Variants in ARL13B observed in about 807,000 individuals in gnomAD.
ARL13B encodes ADP-ribosylation factor-like protein 13B.
A neutral mutation model predicts 56.1 loss-of-function variants in ARL13B; 36 were observed. That is an observed-to-expected ratio of 0.64 (90% CI 0.49 to 0.85). The LOEUF is 0.85. Among genes scored for constraint, ARL13B ranks in the 40% least tolerant of loss-of-function variants. ARL13B has a pLI of 0.00. For missense variants in ARL13B, 519 were observed against 507.1 expected (o/e 1.02, Z -0.23); for synonymous variants, 178 against 171.1 (o/e 1.04, Z -0.32).
chr3:94,043,192 C>T lies in ARL13B; in HGVS notation c.976C>T (p.Gln326Ter). 1 of 1,613,422 alleles carries T rather than the reference C, an allele frequency of 6.2e-7. No homozygotes were observed. The highest frequency in any genetic ancestry group is 8.5e-7 in the Non-Finnish European group (1 of 1,179,850). Residue 326 changes from glutamine to a stop codon, truncating the protein, a stop_gained, in exon 7 of 10, where the codon CAG (glutamine) becomes TAG (stop). Transcript: ENST00000394222. LOFTEE classifies it high-confidence loss of function. ...LVENYKEALT[Q>*]QLKNEDETDR... Reference sequence around the variant, plus strand: ...AGAAAATTATAAGGAGGCATTAACACAGCAGTTAAAGAATGAAGATGAGAC... The same window carrying T: ...AGAAAATTATAAGGAGGCATTAACATAGCAGTTAAAGAATGAAGATGAGAC...
chr3:94,034,403 G>T (rs2076731754), intron 3 of ARL13B, among the ~76,000 whole-genome samples: 1 of 151,660 alleles, frequency 6.6e-6, no homozygotes, highest in South Asian at 2.1e-4. Context: ...TTAAATCTAT[G>T]TTATATAATT....
intron 3 of ARL13B, among the ~76,000 whole-genome samples, chr3:94,015,879 A>G (rs1489713640): frequency 6.6e-6 from 1 of 152,172 alleles, no homozygotes; most frequent in African/African-American, 2.4e-5. Flanking sequence ...ATATATGTGA[A>G]AACATTGGTT....
intron 7 of ARL13B, among the ~76,000 whole-genome samples, chr3:94,044,254 G>A (rs374879678): frequency 6.9e-5 from 10 of 145,272 alleles, no homozygotes; most frequent in Admixed American, 2.1e-4. Flanking sequence ...TGTGAGGAGC[G>A]CCCCTGGCCG....
chr3:94,046,433 A>G (rs1560014388), intron 7 of ARL13B, among the ~76,000 whole-genome samples: 2 of 152,084 alleles, frequency 1.3e-5, no homozygotes, highest in African/African-American at 4.8e-5. Flanking sequence ...ATCATATAGA[A>G]TGTACTTTTT....
intron 7 of ARL13B, 78 bp downstream of exon 7, chr3:94,043,318 T>A: frequency 1.5e-6 from 2 of 1,308,308 alleles, no homozygotes; most frequent in Non-Finnish European, 2.1e-6. Flanking sequence ...TTTTTTATGT[T>A]TGTTTTTACA....
At chr3:94,037,931 G>A (rs1308292267) in intron 5 of ARL13B, among the ~76,000 whole-genome samples, 1 of 152,018 alleles carries the variant, frequency 6.6e-6, no homozygotes, top group Non-Finnish European at 1.5e-5. Context: ...ATCCATGCCA[G>A]TTGTGGTCTG....
intron 2 of ARL13B, among the ~76,000 whole-genome samples, chr3:93,999,166 C>T (rs1388503450): frequency 6.6e-6 from 1 of 151,774 alleles, no homozygotes; most frequent in Admixed American, 6.6e-5. Context: ...GTCTTGAACT[C>T]CTGGCCTCAA....
At chr3:94,050,955 C>CATGAAA in intron 9 of ARL13B, 63 bp downstream of exon 9, 3 of 1,479,884 alleles carry the variant, frequency 2.0e-6, no homozygotes, top group Non-Finnish European at 2.8e-6. Context: ...TTTCTTTAGC[C>CATGAAA]TTATAATTTC....
intron 3 of ARL13B, among the ~76,000 whole-genome samples, chr3:94,012,417 A>G (rs1410688236): frequency 6.6e-6 from 1 of 152,090 alleles, no homozygotes; most frequent in Non-Finnish European, 1.5e-5. Context: ...ATCATCATCT[A>G]ATCTGTATCC....
chr3:94,022,065 C>T (rs534599155), intron 3 of ARL13B, among the ~76,000 whole-genome samples: 1 of 152,188 alleles, frequency 6.6e-6, no homozygotes, highest in Non-Finnish European at 1.5e-5. Flanking sequence ...TATGTTGCAT[C>T]TAAACTCCTG....
At chr3:94,040,892 C>G (rs2076850098) in intron 6 of ARL13B, among the ~76,000 whole-genome samples, 1 of 152,060 alleles carries the variant, frequency 6.6e-6, no homozygotes, top group Admixed American at 6.6e-5. Context: ...GTAGAAGGCT[C>G]TAGTGCTTCT....
Position 94,049,300 on chromosome 3 carries a change from A to G in ARL13B, c.1025-106A>G, listed in dbSNP as rs1053722789. 9.6e-6 allele frequency: 6 copies of G among 623,304 alleles called. No individual in the cohort carries two copies. The African/African-American group carries it at 1.1e-4, about 12-fold the overall frequency. 38.6% of individuals were successfully genotyped at this position (623,304 alleles called of 1,614,324 possible). On this transcript the variant is annotated intron_variant, in intron 7 of 9. Coordinates refer to ENST00000394222, the MANE Select transcript of ARL13B (RefSeq NM_001174150.2). The stretch of plus-strand genomic sequence containing the variant: ...CAATTTCCAAAGTTAAATAGTCAAG[A>G]TGTTTTTTGTTAATAATATCAGTAT...
chr3:94,015,179 G>T (rs2076304956), intron 3 of ARL13B: 1 of 1,613,598 alleles, frequency 6.2e-7, no homozygotes, highest in African/African-American at 1.3e-5. Context: ...AACACCCCTT[G>T]TTCCTCTGTT....
At position 93,987,798 on chromosome 3, in the gene ARL13B, G is replaced by A. The variant is rs186997875; in HGVS notation, c.59+7316G>A. Among the ~76,000 whole-genome samples, 78 of 151,808 alleles carry A rather than the reference G, an allele frequency of 5.1e-4. 1 individual carries two copies. In the East Asian group the frequency reaches 0.013, roughly 25 times the overall value. On this transcript the variant is annotated intron_variant, in intron 1 of 9. Transcript: ENST00000394222. ...CAAGTAACTGGGAGGTGCATGCCACGATGCCTGGCTAATTTTTTTTTTTAA... is the reference window on the plus strand; with the variant it reads ...CAAGTAACTGGGAGGTGCATGCCACAATGCCTGGCTAATTTTTTTTTTTAA...
rs533001241 is a variant in ARL13B, at chr3:94,046,996, A to ACATTC, written c.1025-2410_1025-2409insCATTC. On this transcript the variant is annotated intron_variant, in intron 7 of 9. Coordinates refer to ENST00000394222, the MANE Select transcript of ARL13B (RefSeq NM_001174150.2). ...TCTCTTATCTACTAGATATACGTTA[A>ACATTC]GTTATGTAACATTCTTTAGTCTTAG... 3.0e-4 allele frequency among the ~76,000 whole-genome samples: 45 copies of ACATTC among 152,272 alleles called. No homozygotes were observed. In the East Asian group the frequency reaches 8.7e-3, roughly 29 times the overall value.
intron 3 of ARL13B, among the ~76,000 whole-genome samples, chr3:94,013,819 C>T (rs1308381406): frequency 6.6e-6 from 1 of 152,170 alleles, no homozygotes; most frequent in Non-Finnish European, 1.5e-5. Context: ...TGGTGGTGCA[C>T]ACCTGTAATC....
chr3:94,040,786 C>G lies in ARL13B; in HGVS notation c.798+798C>G, dbSNP rs552762083. 1.2e-3 allele frequency among the ~76,000 whole-genome samples: 188 copies of G among 150,756 alleles called. 1 individual carries two copies. The highest frequency in any genetic ancestry group is 2.2e-3 in the Non-Finnish European group (149 of 67,818). On this transcript the variant is annotated intron_variant, in intron 6 of 9. Transcript: ENST00000394222. ...TTGAGAGAGAAGAGGTCAAGTTGTA[C>G]TTTTTACTTTGAAACAACAATTATT...
At chr3:93,987,836 A>G (rs1158848797) in intron 1 of ARL13B, among the ~76,000 whole-genome samples, 1 of 151,736 alleles carries the variant, frequency 6.6e-6, no homozygotes, top group Non-Finnish European at 1.5e-5. Context: ...TGTAGAGACA[A>G]GGTCTCACCA....
intron 3 of ARL13B, among the ~76,000 whole-genome samples, chr3:94,004,223 CTT>C (rs1187825512): frequency 6.6e-6 from 1 of 152,024 alleles, no homozygotes; most frequent in Non-Finnish European, 1.5e-5. Context: ...TCTAAAATAT[CTT>C]TTAATTTTTT....
Sources: allele counts gnomAD v4.1 joint callset (sites outside exome capture counted in the v4.1 genomes callset), GRCh38; gene constraint gnomAD v4.1.1; transcripts MANE v1.5; gene names NCBI Gene and HGNC (gene_info 2026-07-23, HGNC 2026-07-21).